Variants in DPP6 observed in about 807,000 individuals in gnomAD.
The protein encoded by DPP6 is A-type potassium channel modulatory protein DPP6.
DPP6 carries 69 observed loss-of-function variants against 122.6 expected under a neutral mutation model. That is an observed-to-expected ratio of 0.56 (90% confidence interval 0.46 to 0.69). DPP6 has a LOEUF of 0.69. Among genes scored for constraint, DPP6 ranks in the 30% least tolerant of loss-of-function variants. The pLI is 0.00. For missense variants in DPP6, 928 were observed against 1,116.9 expected (o/e 0.83, Z 2.41); for synonymous variants, 418 against 433.1 (o/e 0.97, Z 0.43).
chr7:154,639,270 G>C (rs1228555820), intron 6 of DPP6, among the ~76,000 whole-genome samples: 5 of 152,158 alleles, frequency 3.3e-5, no homozygotes, highest in Non-Finnish European at 7.4e-5. Flanking sequence ...GAAGCCCAAA[G>C]AAAGCAAAGA....
chr7:154,805,509 G>GAA (rs11361731), intron 15 of DPP6, among the ~76,000 whole-genome samples: 1 of 151,584 alleles, frequency 6.6e-6, no homozygotes, highest in African/African-American at 2.4e-5. Context: ...AATTTGATTA[G>GAA]AAAAAAAAGG....
At position 154,621,504 on chromosome 7, in the gene DPP6, G is replaced by T. The variant is rs548697207; in HGVS notation, c.628-16317G>T. Among the ~76,000 whole-genome samples, 22 of 152,210 alleles carry T rather than the reference G, an allele frequency of 1.4e-4. No homozygotes were observed. In the East Asian group the frequency reaches 4.3e-3, roughly 29 times the overall value. The stretch of plus-strand genomic sequence containing the variant: ...CTGCCTCAGCCTCCCAAGTAGCTGG[G>T]ATTACAGGCTCATGCCACCACACCC... On this transcript the variant is annotated intron_variant, in intron 5 of 25. Transcript: ENST00000377770.
chr7:154,148,658 T>C (rs1284199799), intron 1 of DPP6, among the ~76,000 whole-genome samples: 1 of 152,308 alleles, frequency 6.6e-6, no homozygotes, highest in African/African-American at 2.4e-5. Flanking sequence ...TAGAAGGCTT[T>C]AATTTTCTGA....
intron 1 of DPP6, among the ~76,000 whole-genome samples, chr7:154,289,183 G>T (rs889003349): frequency 2.6e-5 from 4 of 152,190 alleles, no homozygotes; most frequent in Non-Finnish European, 4.4e-5. Context: ...ATTTCAAATA[G>T]AATCGCCTAG....
At chr7:154,797,316 A>G (rs1345644157) in intron 12 of DPP6, among the ~76,000 whole-genome samples, 4 of 152,242 alleles carry the variant, frequency 2.6e-5, no homozygotes, top group Admixed American at 6.5e-5. Flanking sequence ...AATATTCCAG[A>G]ATATGTATGT....
intron 1 of DPP6, among the ~76,000 whole-genome samples, chr7:154,418,747 T>C (rs2151221839): frequency 1.3e-5 from 2 of 152,360 alleles, no homozygotes; most frequent in East Asian, 3.9e-4. Context: ...ATGACCTTTA[T>C]ATCTGAAAGA....
chr7:154,044,198 T>A (rs1349928950), intron 1 of DPP6, among the ~76,000 whole-genome samples: 1 of 152,232 alleles, frequency 6.6e-6, no homozygotes, highest in African/African-American at 2.4e-5. Flanking sequence ...AGAGAATTAC[T>A]TTTTTGATTA....
intron 1 of DPP6, among the ~76,000 whole-genome samples, chr7:154,404,179 G>T (rs1055673944): frequency 2.0e-5 from 3 of 152,148 alleles, no homozygotes; most frequent in Non-Finnish European, 4.4e-5. Context: ...AATCAAAGCC[G>T]CTGTCTAATC....
intron 1 of DPP6, among the ~76,000 whole-genome samples, chr7:154,256,124 C>T (rs1479543978): frequency 6.6e-6 from 1 of 152,138 alleles, no homozygotes. Flanking sequence ...ACTGTAGACT[C>T]GAACATGATT....
intron 1 of DPP6, among the ~76,000 whole-genome samples, chr7:154,115,902 T>C (rs1242632371): frequency 6.6e-6 from 1 of 152,014 alleles, no homozygotes; most frequent in Non-Finnish European, 1.5e-5. Flanking sequence ...AAACGATCAA[T>C]GCATAAGGTA....
chr7:154,052,088 C>G (rs1206991150), upstream of DPP6, among the ~76,000 whole-genome samples: 1 of 142,256 alleles, frequency 7.0e-6, no homozygotes, highest in Admixed American at 6.9e-5. This position sits in a 1 kb window ranked among gnomAD's most constrained non-coding sequence, Gnocchi z 4.8. Flanking sequence ...TCCGCATCCC[C>G]TTGCACCGTC....
chr7:153,756,485 G>A, the DPP6 span, among the ~76,000 whole-genome samples: 4 of 152,096 alleles, frequency 2.6e-5, no homozygotes, highest in African/African-American at 9.7e-5. Flanking sequence ...CGCAGTGAAG[G>A]GCCACATCTG....
chr7:153,766,121 A>G, the DPP6 span, among the ~76,000 whole-genome samples: 2 of 152,262 alleles, frequency 1.3e-5, no homozygotes, highest in Non-Finnish European at 2.9e-5. Flanking sequence ...ATGATTGACA[A>G]ATCAGTCGAA....
intron 16 of DPP6, among the ~76,000 whole-genome samples, chr7:154,840,943 G>C (rs1448445820): frequency 1.3e-5 from 2 of 152,200 alleles, no homozygotes; most frequent in Non-Finnish European, 2.9e-5. Flanking sequence ...GCGACTTGCT[G>C]TTAACGAGTC....
At chr7:154,260,633 A>G (rs1802948669) in intron 1 of DPP6, among the ~76,000 whole-genome samples, 1 of 149,784 alleles carries the variant, frequency 6.7e-6, no homozygotes, top group African/African-American at 2.4e-5. Flanking sequence ...CCATTAATTC[A>G]TTCCTTTTTT....
chr7:153,964,981 T>A, intron 1 of DPP6, among the ~76,000 whole-genome samples: 1 of 70,082 alleles, frequency 1.4e-5, no homozygotes, highest in Non-Finnish European at 2.8e-5. Flanking sequence ...TTCTTTTCCC[T>A]TCCTTCCTTC....
chr7:154,664,294 C>A (rs1354432440), intron 6 of DPP6, among the ~76,000 whole-genome samples: 1 of 152,238 alleles, frequency 6.6e-6, no homozygotes, highest in Non-Finnish European at 1.5e-5. Context: ...TGCAGTCTTG[C>A]AAGGCACTGC....
chr7:154,622,299 C>T (rs1047762632), intron 5 of DPP6, among the ~76,000 whole-genome samples: 3 of 152,078 alleles, frequency 2.0e-5, no homozygotes, highest in East Asian at 3.9e-4. Flanking sequence ...CTGGTTTTGA[C>T]GGAATCACAT....
chr7:154,445,849 A>G (rs369130243), intron 1 of DPP6, among the ~76,000 whole-genome samples: 1 of 152,054 alleles, frequency 6.6e-6, no homozygotes. Context: ...GTTGGATTCA[A>G]TGAGGGTAAG....
Sources: allele counts gnomAD v4.1 joint callset (sites outside exome capture counted in the v4.1 genomes callset), GRCh38; gene constraint gnomAD v4.1.1; non-coding constraint Gnocchi (gnomAD v3.1); transcripts MANE v1.5; gene names NCBI Gene and HGNC (gene_info 2026-07-23, HGNC 2026-07-21).